The following GLG1 variants were observed in gnomAD, a reference collection of about 807,000 sequenced individuals.
GLG1 encodes the protein golgi glycoprotein 1.
GLG1 carries 38 observed loss-of-function variants against 160.5 expected under a neutral mutation model. The observed-to-expected ratio is 0.24, with a 90% CI of 0.18 to 0.31. GLG1 has a LOEUF of 0.31. Ranked by LOEUF, GLG1 falls within the 10% of genes least tolerant of loss-of-function variation. The pLI, the probability that GLG1 is intolerant of heterozygous loss-of-function variation, is 1.00. For synonymous variants in GLG1, 644 were observed against 543.4 expected, an observed-to-expected ratio of 1.19 and a Z score of -2.57; for missense variants, 1,373 against 1,505.2, an observed-to-expected ratio of 0.91 and a Z score of 1.45.
At chr16:74,573,106 G>A (rs2018882878) in intron 1 of GLG1, among the ~76,000 whole-genome samples, 1 of 152,054 alleles carries the variant, frequency 6.6e-6, no homozygotes, top group Non-Finnish European at 1.5e-5. Context: ...AAACTCTTTG[G>A]TTTTTCACAT....
intron 1 of GLG1, among the ~76,000 whole-genome samples, chr16:74,551,968 C>T (rs2018211686): frequency 6.6e-6 from 1 of 151,390 alleles, no homozygotes; most frequent in African/African-American, 2.4e-5. Flanking sequence ...CCTACCAGTC[C>T]TTCACCTTTC....
chr16:74,556,345 T>C (rs1160568313), intron 1 of GLG1, among the ~76,000 whole-genome samples: 1 of 152,188 alleles, frequency 6.6e-6, no homozygotes. Flanking sequence ...TTTAAATACT[T>C]TACTAGAAAA....
intron 2 of GLG1, among the ~76,000 whole-genome samples, chr16:74,526,107 A>G (rs2549071): frequency 4.7e-4 from 72 of 152,376 alleles, no homozygotes; most frequent in African/African-American, 1.6e-3. Flanking sequence ...TCAATTGAAA[A>G]ATGAAAATAG....
At position 74,462,168 on chromosome 16, in the gene GLG1, T is replaced by A. The variant is rs1317849773; in HGVS notation, c.2962A>T (p.Ile988Phe). ...QRLSSDCEDQ[I>F]RIIIQESALD... ...GCGGACTCCTGGATAATGATTCGGA[T>A]CTGGTCTTCACAGTCTGAAGACAGG... is the stretch of plus-strand genomic sequence containing the variant. Residue 988 changes from isoleucine to phenylalanine, a missense_variant, in exon 22 of 26, where the codon ATC (isoleucine) becomes TTC (phenylalanine). Coordinates refer to ENST00000422840, the MANE Select transcript of GLG1 (RefSeq NM_001145667.2). 2 of 1,606,538 alleles carry A rather than the reference T, an allele frequency of 1.2e-6. No homozygotes were observed.
intron 2 of GLG1, among the ~76,000 whole-genome samples, chr16:74,525,416 G>A (rs1030782820): frequency 6.6e-6 from 1 of 151,972 alleles, no homozygotes; most frequent in South Asian, 2.1e-4. Flanking sequence ...TCACTATGTT[G>A]CCCAGGCTGT....
chr16:74,506,924 A>C (rs2016633734), intron 3 of GLG1, among the ~76,000 whole-genome samples: 1 of 152,198 alleles, frequency 6.6e-6, no homozygotes, highest in Non-Finnish European at 1.5e-5. Flanking sequence ...AAAAGGTACC[A>C]TGAGCAAAAT....
intron 13 of GLG1, among the ~76,000 whole-genome samples, chr16:74,473,194 G>A (rs1042910797): frequency 6.6e-6 from 1 of 151,962 alleles, no homozygotes; most frequent in Non-Finnish European, 1.5e-5. Flanking sequence ...AGTGCTTTAT[G>A]AGGGTTTCTA....
rs1191189522 is a variant in GLG1 at position 74,448,422 on chromosome 16, GAAAT to G, written c.*4741_*4744del. 1 of 152,188 alleles carries G rather than the reference GAAAT, an allele frequency of 6.6e-6. No individual in the cohort carries two copies. Among genetic ancestry groups the G allele is most frequent in the Admixed American group, 6.5e-5 (1 of 15,274 alleles). 9.4% of individuals were successfully genotyped at this position (152,188 alleles called of 1,614,324 possible). ...CACTTAGGTGCTGCCCAAATGGTGA[GAAAT>G]AAAAGGAAGCATTCTGGCCTTTCAG... On this transcript the variant is annotated 3_prime_UTR_variant, in exon 26 of 26. Coordinates refer to ENST00000422840, the MANE Select transcript of GLG1 (RefSeq NM_001145667.2).
chr16:74,500,092 AG>A (rs2143438356), intron 4 of GLG1, among the ~76,000 whole-genome samples: 1 of 152,280 alleles, frequency 6.6e-6, no homozygotes, highest in South Asian at 2.1e-4. Context: ...TTTTCAAATA[AG>A]GGTATTTCAG....
Position 74,452,041 on chromosome 16 carries a change from G to T in GLG1, c.*1126C>A, listed in dbSNP as rs769028626. 5.7e-6 allele frequency: 9 copies of T among 1,590,784 alleles called. No homozygotes were observed. The South Asian group carries it at 8.8e-5, about 16-fold the overall frequency. The stretch of plus-strand genomic sequence containing the variant: ...GGAGCTTGTCTGGGAAGTTTGTCTG[G>T]AGTGTGCAGAAAGGTCAGGCTGGAC... On this transcript the variant is annotated 3_prime_UTR_variant, in exon 26 of 26. Transcript: ENST00000422840.
intron 14 of GLG1, among the ~76,000 whole-genome samples, chr16:74,472,027 C>A (rs944722145): frequency 1.3e-5 from 2 of 152,112 alleles, no homozygotes; most frequent in African/African-American, 4.8e-5. Flanking sequence ...ACCTCTGCCC[C>A]CTAGGTAACT....
At chr16:74,585,976 C>T (rs1466486498) in intron 1 of GLG1, among the ~76,000 whole-genome samples, 1 of 147,200 alleles carries the variant, frequency 6.8e-6, no homozygotes, top group Non-Finnish European at 1.5e-5. Context: ...AGCAGGAGAA[C>T]TGCTTGAACT....
intron 1 of GLG1, among the ~76,000 whole-genome samples, chr16:74,566,020 G>A (rs1217779857): frequency 6.6e-6 from 1 of 152,150 alleles, no homozygotes; most frequent in Non-Finnish European, 1.5e-5. Context: ...CCCTCAATTT[G>A]GGTTTGTGTG....
chr16:74,492,596 A>C lies in GLG1; in HGVS notation c.1234+361T>G, dbSNP rs184134361. Among the ~76,000 whole-genome samples, 22 of 151,990 alleles carry C rather than the reference A, an allele frequency of 1.4e-4. 1 individual carries two copies. The East Asian group carries it at 4.3e-3, about 30-fold the overall frequency. ...CACTTTGAGAGGCCAAGGTGGGCGGATCACCTAAGTTTGGGAGTTCGAGAC... is the reference window on the plus strand; with the variant it reads ...CACTTTGAGAGGCCAAGGTGGGCGGCTCACCTAAGTTTGGGAGTTCGAGAC... On this transcript the variant is annotated intron_variant, in intron 7 of 25. Coordinates refer to ENST00000422840, the MANE Select transcript of GLG1 (RefSeq NM_001145667.2).
At chr16:74,456,851 A>G in intron 24 of GLG1, 96 bp from the exon 25 acceptor site, 1 of 780,624 alleles carries the variant, frequency 1.3e-6, no homozygotes, top group Non-Finnish European at 2.3e-6. Context: ...CCACCAGAGA[A>G]TTCAGATCTG....
intron 20 of GLG1, 197 bp downstream of exon 20, chr16:74,463,159 G>C (rs1247728842): frequency 5.3e-6 from 3 of 569,788 alleles, no homozygotes; most frequent in Non-Finnish European, 6.1e-6. Context: ...TCTGGTTCTT[G>C]TGGCCTCCTC....
At chr16:74,602,129 G>A (rs1440479451) in intron 1 of GLG1, among the ~76,000 whole-genome samples, 1 of 152,016 alleles carries the variant, frequency 6.6e-6, no homozygotes, top group Non-Finnish European at 1.5e-5. Context: ...TTACCTATGA[G>A]TCTAAAAGGG....
At chr16:74,539,580 G>A (rs2017777119) in intron 1 of GLG1, among the ~76,000 whole-genome samples, 1 of 151,116 alleles carries the variant, frequency 6.6e-6, no homozygotes, top group African/African-American at 2.4e-5. Context: ...TAAATATACT[G>A]ACAGGACTTT....
chr16:74,581,681 C>T (rs1957940952), intron 1 of GLG1, among the ~76,000 whole-genome samples: 1 of 152,028 alleles, frequency 6.6e-6, no homozygotes, highest in Non-Finnish European at 1.5e-5. Context: ...GATGTTGAGG[C>T]AGGCAGATCA....
Sources: gnomAD v4.1 joint callset for allele counts (sites outside exome capture counted in the v4.1 genomes callset) on GRCh38, gnomAD v4.1.1 for gene constraint, MANE v1.5 for transcripts, NCBI Gene and HGNC (gene_info 2026-07-23, HGNC 2026-07-21) for gene names.